The following RNF17 variants were observed in gnomAD, a reference collection of about 807,000 sequenced individuals.
The protein encoded by RNF17 is spermatogenesis associated 23.
In RNF17, 31 loss-of-function variants were observed where a neutral mutation model predicts 200.5. The observed-to-expected ratio is 0.15, with a 90% CI of 0.12 to 0.21. The LOEUF (loss-of-function observed/expected upper bound fraction) is 0.21. RNF17 is among the 10% of genes least tolerant of loss of function. RNF17 has a pLI of 1.00. For missense variants in RNF17, 1,628 were observed against 1,905.1 expected, an observed-to-expected ratio of 0.85 and a Z score of 2.71; for synonymous variants, 606 against 637.8, an observed-to-expected ratio of 0.95 and a Z score of 0.75.
At chr13:24,751,100 A>T in the RNF17 span, 1 of 152,164 alleles carries the variant, frequency 6.6e-6, no homozygotes, top group South Asian at 2.1e-4. Flanking sequence ...TCAGATGGCC[A>T]AATTAAGTCA....
At position 24,861,333 on chromosome 13, in the gene RNF17, G is replaced by A. The variant is rs528184367; in HGVS notation, c.3840G>A (p.Leu1280=). The change falls in exon 27 of 36, where the codon CTG becomes CTA. Residue 1280 remains leucine, a synonymous_variant. Transcript: ENST00000255324. The part of the protein sequence containing the change: ...IPQCHLYPIL[L]YPDIPQFCIP... The stretch of plus-strand genomic sequence containing the variant: ...AGTGCCATCTTTACCCTATTTTGCT[G>A]TATCCTGATATACCCCAGTTTTGTA... 6.3e-7 allele frequency: 1 copy of A among 1,589,194 alleles called. No homozygotes were observed. The highest frequency in any genetic ancestry group is 1.4e-5 in the African/African-American group (1 of 73,036).
At chr13:24,799,812 C>T (rs919305220) in intron 12 of RNF17, among the ~76,000 whole-genome samples, 7 of 152,028 alleles carry the variant, frequency 4.6e-5, no homozygotes, top group Admixed American at 4.6e-4. Flanking sequence ...AACTTAAGTA[C>T]TCTTCTTATG....
the RNF17 span, chr13:24,751,107 G>T: frequency 6.6e-6 from 1 of 152,058 alleles, no homozygotes; most frequent in East Asian, 1.9e-4. Context: ...GCCAAATTAA[G>T]TCATCAAGGC....
At chr13:24,812,140 C>G (rs2137831358) in intron 15 of RNF17, among the ~76,000 whole-genome samples, 1 of 142,286 alleles carries the variant, frequency 7.0e-6, no homozygotes, top group Middle Eastern at 3.6e-3. Context: ...TAGAGGCAGG[C>G]ACGTCTCCTT....
the RNF17 span, among the ~76,000 whole-genome samples, chr13:24,759,079 CA>C: frequency 0.12 from 7,784 of 65,474 alleles, 64 homozygotes; most frequent in Non-Finnish European, 0.14. Flanking sequence ...ACTGTGTCTC[CA>C]AAAAAAAAAA....
At chr13:24,874,311 G>A in intron 33 of RNF17, 62 bp downstream of exon 33, 1 of 1,404,206 alleles carries the variant, frequency 7.1e-7, no homozygotes, top group South Asian at 1.4e-5. Context: ...TTTTCTTATT[G>A]AGAATATTTT....
chr13:24,874,709 G>A (rs971066475), intron 33 of RNF17, among the ~76,000 whole-genome samples: 4 of 152,092 alleles, frequency 2.6e-5, no homozygotes, highest in Admixed American at 1.3e-4. Context: ...ACCACACCTG[G>A]CCCATTTTAG....
intron 15 of RNF17, among the ~76,000 whole-genome samples, chr13:24,805,938 A>C (rs1420075640): frequency 6.6e-6 from 1 of 151,896 alleles, no homozygotes; most frequent in East Asian, 1.9e-4. Flanking sequence ...TGTGCAGAAC[A>C]TGCAGGTTTG....
chr13:24,794,160 G>A (rs749601425), intron 10 of RNF17: 10 of 454,698 alleles, frequency 2.2e-5, no homozygotes, highest in African/African-American at 4.0e-5. Flanking sequence ...TGAAGCATGC[G>A]GCACAGATGA....
the RNF17 span, among the ~76,000 whole-genome samples, chr13:24,758,759 T>C: frequency 6.6e-6 from 1 of 151,252 alleles, no homozygotes; most frequent in African/African-American, 2.4e-5. Flanking sequence ...GAAGTCAGAG[T>C]TGATAGATGT....
chr13:24,748,625 T>C, the RNF17 span, among the ~76,000 whole-genome samples: 1 of 152,234 alleles, frequency 6.6e-6, no homozygotes, highest in Non-Finnish European at 1.5e-5. Context: ...AATGTCTATG[T>C]GGAGATACAG....
chr13:24,884,046 A>G, downstream of RNF17: 4 of 1,614,036 alleles, frequency 2.5e-6, no homozygotes, highest in Non-Finnish European at 3.4e-6. Flanking sequence ...TCTGGTCAGG[A>G]AACGTGATTT....
At chr13:24,765,127 T>A (rs940909869) in intron 1 of RNF17, among the ~76,000 whole-genome samples, 1 of 152,164 alleles carries the variant, frequency 6.6e-6, no homozygotes, top group Admixed American at 6.5e-5. Flanking sequence ...GCCATTCTCC[T>A]GTCTCAGCCT....
In RNF17 at chr13:24,802,439, C is replaced by T. The variant is rs1467469366; in HGVS notation, c.1817C>T (p.Ala606Val). 6.2e-7 allele frequency: 1 copy of T among 1,613,694 alleles called. No individual in the cohort carries two copies. The highest frequency in any genetic ancestry group is 1.7e-5 in the Admixed American group (1 of 59,964). ...TTTTTGAAAATGGTAAATAACAAGGCTGTTTCAATGAAAGTTTTTAGAGAA... is the reference window on the plus strand; with the variant it reads ...TTTTTGAAAATGGTAAATAACAAGGTTGTTTCAATGAAAGTTTTTAGAGAA... ...VEFLKMVNNKAVSMKVFREED... is the reference protein window; with the variant it reads ...VEFLKMVNNKVVSMKVFREED... Residue 606 changes from alanine (A) to valine (V), a missense_variant, in exon 14 of 36, where the codon GCT becomes GTT. Physicochemically the swap from Ala to Val is moderately conservative, Grantham distance 64. Coordinates refer to ENST00000255324, the MANE Select transcript of RNF17 (RefSeq NM_031277.3).
chr13:24,883,646 G>C (rs1469846762), downstream of RNF17, among the ~76,000 whole-genome samples: 1 of 152,112 alleles, frequency 6.6e-6, no homozygotes, highest in African/African-American at 2.4e-5. Context: ...TATATTAAAA[G>C]GGACCCTTCT....
downstream of RNF17, chr13:24,882,135 TAGATACATCTATATAG>T (rs1953873725): frequency 3.7e-4 from 4 of 10,948 alleles, 2 homozygotes; most frequent in South Asian, 0.022. Context: ...TCTATATAGA[TAGATACATCTATATAG>T]ATAGATACAT....
intron 1 of RNF17, among the ~76,000 whole-genome samples, chr13:24,765,566 A>T (rs754916984): frequency 6.6e-6 from 1 of 152,258 alleles, no homozygotes; most frequent in African/African-American, 2.4e-5. Flanking sequence ...CTTGGGGTTT[A>T]GATCACTGCT....
chr13:24,854,088 C>T lies in RNF17; in HGVS notation c.3554C>T (p.Ala1185Val), dbSNP rs773511219. Residue 1185 changes from alanine to valine, a missense_variant, in exon 25 of 36, where the codon GCA becomes GTA. Physicochemically the swap from Ala to Val is moderately conservative, Grantham distance 64. Transcript: ENST00000255324. ...PAIPNMNVFEATVSCVGDDGT... is the reference protein window; with the variant it reads ...PAIPNMNVFEVTVSCVGDDGT... Reference sequence around the variant, plus strand: ...ATTCCTAACATGAACGTATTTGAGGCAACAGTCAGCTGTGTTGGTGATGAT... The same window carrying T: ...ATTCCTAACATGAACGTATTTGAGGTAACAGTCAGCTGTGTTGGTGATGAT... 1.9e-6 allele frequency: 3 copies of T among 1,613,862 alleles called. No individual in the cohort carries two copies. The highest frequency in any genetic ancestry group is 2.5e-6 in the Non-Finnish European group (3 of 1,179,812).
chr13:24,883,209 C>A, downstream of RNF17: 1 of 1,614,080 alleles, frequency 6.2e-7, no homozygotes, highest in South Asian at 1.1e-5. Context: ...ACATTACCCT[C>A]CTTGTCCTTA....
Sources: allele counts gnomAD v4.1 joint callset (sites outside exome capture counted in the v4.1 genomes callset), GRCh38; gene constraint gnomAD v4.1.1; transcripts MANE v1.5; gene names NCBI Gene and HGNC (gene_info 2026-07-23, HGNC 2026-07-21).